Variants in PRKACB observed in about 807,000 individuals in gnomAD.
PRKACB encodes protein kinase cAMP-activated catalytic subunit beta.
Under a neutral mutation model 51.4 loss-of-function variants are expected in PRKACB, and 16 were observed. The ratio of observed to expected loss-of-function variants is 0.31; its 90% CI spans 0.21 to 0.47. PRKACB has a LOEUF of 0.47. PRKACB is among the 20% of genes least tolerant of loss of function. The pLI is 1.00. For missense variants in PRKACB, 309 were observed against 464.5 expected (o/e 0.67, Z 3.08); for synonymous variants, 147 against 154.4 (o/e 0.95, Z 0.35).
chr1:84,128,926 G>T (rs927792080), intron 1 of PRKACB, among the ~76,000 whole-genome samples: 1 of 152,154 alleles, frequency 6.6e-6, no homozygotes, highest in Non-Finnish European at 1.5e-5. Flanking sequence ...TCATGTGACT[G>T]AGGAACTAAA....
intron 1 of PRKACB, among the ~76,000 whole-genome samples, chr1:84,166,834 G>T (rs1657644699): frequency 6.6e-6 from 1 of 151,118 alleles, no homozygotes; most frequent in Admixed American, 6.6e-5. Context: ...CTATCTTTTG[G>T]CCTTCTTTTG....
chr1:84,204,103 A>G (rs1005600484), intron 8 of PRKACB, among the ~76,000 whole-genome samples: 1 of 152,010 alleles, frequency 6.6e-6, no homozygotes, highest in African/African-American at 2.4e-5. Context: ...GAATTAGTCT[A>G]TCCAATCACC....
chr1:84,086,057 A>G (rs1473269253), intron 1 of PRKACB: 8 of 1,024,034 alleles, frequency 7.8e-6, no homozygotes, highest in Non-Finnish European at 1.2e-5. Context: ...CAAGCAGCAT[A>G]GGAAAGTGCT....
intron 9 of PRKACB, among the ~76,000 whole-genome samples, chr1:84,219,227 GTTTT>G (rs772119278): frequency 7.1e-6 from 1 of 140,094 alleles, no homozygotes. Context: ...TGTTTATTAG[GTTTT>G]TTTTTTTTTT....
chr1:84,195,912 C>CAA (rs34855463), intron 5 of PRKACB, among the ~76,000 whole-genome samples: 5 of 135,094 alleles, frequency 3.7e-5, no homozygotes, highest in South Asian at 2.4e-4. Context: ...GACTGTGTCT[C>CAA]AAAAAAAAAA....
intron 1 of PRKACB, among the ~76,000 whole-genome samples, chr1:84,165,587 G>T (rs1200854183): frequency 1.3e-5 from 2 of 151,634 alleles, no homozygotes; most frequent in African/African-American, 2.4e-5. Context: ...AACAGTTTTT[G>T]GGGGAAATAA....
At chr1:84,196,297 T>A (rs2101201525) in intron 5 of PRKACB, among the ~76,000 whole-genome samples, 1 of 152,252 alleles carries the variant, frequency 6.6e-6, no homozygotes, top group African/African-American at 2.4e-5. Flanking sequence ...GCTTTCCAAT[T>A]ATTCTCAAGA....
At chr1:84,082,680 A>G (rs181855187) in intron 1 of PRKACB, among the ~76,000 whole-genome samples, 15 of 152,288 alleles carry the variant, frequency 9.8e-5, no homozygotes, top group African/African-American at 3.6e-4. Flanking sequence ...ATCTCCACCT[A>G]TGCTGTCCAC....
At chr1:84,164,534 A>G in intron 1 of PRKACB, 1 of 1,462,370 alleles carries the variant, frequency 6.8e-7, no homozygotes, top group East Asian at 2.5e-5. Flanking sequence ...TGGCTCTAAA[A>G]TAAAAAGGTA....
chr1:84,162,874 T>A (rs1656394166), intron 1 of PRKACB, among the ~76,000 whole-genome samples: 1 of 152,074 alleles, frequency 6.6e-6, no homozygotes, highest in Non-Finnish European at 1.5e-5. Flanking sequence ...AATGTGTTTT[T>A]TAAAATAACA....
At chr1:84,226,403 T>C (rs1395481858) in intron 9 of PRKACB, among the ~76,000 whole-genome samples, 1 of 152,050 alleles carries the variant, frequency 6.6e-6, no homozygotes, top group East Asian at 1.9e-4. Flanking sequence ...TACTCAAATA[T>C]CTTTCGTCAT....
intron 1 of PRKACB, among the ~76,000 whole-genome samples, chr1:84,113,970 G>A (rs545234837): frequency 2.6e-5 from 4 of 152,058 alleles, no homozygotes; most frequent in African/African-American, 9.7e-5. Flanking sequence ...TAAAACTGGC[G>A]AAATTTGTGG....
chr1:84,107,358 T>A (rs1649838854), intron 1 of PRKACB, among the ~76,000 whole-genome samples: 1 of 151,870 alleles, frequency 6.6e-6, no homozygotes, highest in Admixed American at 6.6e-5. Context: ...AAGACCTAAA[T>A]GGAGAACCTA....
In PRKACB at chr1:84,165,122, T is replaced by G. The variant is rs1037738418; in HGVS notation, c.188-14055T>G. The G allele has an allele frequency of 5.1e-5, 46 of 909,016 alleles. No individual in the cohort carries two copies. The South Asian group carries it at 9.4e-4, about 19-fold the overall frequency. The allele number at this position is 909,016 out of a possible 1,614,324, so 56.3% of individuals were successfully genotyped here. On this transcript the variant is annotated intron_variant, in intron 1 of 9. Transcript: ENST00000370685. ...ATAAAGCCACAGCTACTGTGAATTA[T>G]ATTTTGTGGTGACGCTTTTGTACTT...
intron 1 of PRKACB, among the ~76,000 whole-genome samples, chr1:84,108,861 T>A (rs1649992481): frequency 6.6e-6 from 1 of 152,096 alleles, no homozygotes; most frequent in Admixed American, 6.6e-5. Flanking sequence ...TGTCGTACAG[T>A]CAGTATGTTA....
rs541167581 is a variant in PRKACB at position 84,238,310 on chromosome 1, T to C, written c.*3005T>C. ...TGTAAGAATCAAATGAAATAATGTATGTGAAAGCACCTTGTAAACTGTAAC... is the reference window on the plus strand; with the variant it reads ...TGTAAGAATCAAATGAAATAATGTACGTGAAAGCACCTTGTAAACTGTAAC... On this transcript the variant is annotated 3_prime_UTR_variant, in exon 10 of 10. Coordinates refer to ENST00000370685, the MANE Select transcript of PRKACB (RefSeq NM_182948.4). 4 of 152,734 alleles carry C rather than the reference T, an allele frequency of 2.6e-5. No homozygotes were observed. Among genetic ancestry groups the C allele is most frequent in the African/African-American group, 9.6e-5 (4 of 41,576 alleles). 9.5% of individuals were successfully genotyped at this position (152,734 alleles called of 1,614,324 possible).
rs191995765 is a variant in PRKACB, at chr1:84,179,993, T to C, written c.249+755T>C. Reference sequence around the variant, plus strand: ...CCGGTGTGTGATGTTCCCCTCCCTGTGTCCATGTGTTCTCATTGTTCAACT... The same window carrying C: ...CCGGTGTGTGATGTTCCCCTCCCTGCGTCCATGTGTTCTCATTGTTCAACT... On this transcript the variant is annotated intron_variant, in intron 2 of 9. Coordinates refer to ENST00000370685, the MANE Select transcript of PRKACB (RefSeq NM_182948.4). 2.6e-3 allele frequency among the ~76,000 whole-genome samples: 376 copies of C among 143,002 alleles called. 11 individuals carry two copies. In the East Asian group the frequency reaches 0.065, roughly 25 times the overall value. The allele number at this position is 143,002 out of a possible 152,430, so 93.8% of individuals were successfully genotyped here.
chr1:84,197,874 C>A, intron 7 of PRKACB, 50 bp downstream of exon 7: 1 of 1,273,866 alleles, frequency 7.9e-7, no homozygotes, highest in Non-Finnish European at 1.1e-6. Context: ...AGACATGCAT[C>A]CCTATGGACT....
intron 1 of PRKACB, among the ~76,000 whole-genome samples, chr1:84,078,850 A>C (rs1480566082): frequency 6.6e-6 from 1 of 152,186 alleles, no homozygotes; most frequent in Non-Finnish European, 1.5e-5. Context: ...AAGTGAGGCT[A>C]ATCCTGAGTG....
Sources: gnomAD v4.1 joint callset for allele counts (sites outside exome capture counted in the v4.1 genomes callset) on GRCh38, gnomAD v4.1.1 for gene constraint, MANE v1.5 for transcripts, NCBI Gene and HGNC (gene_info 2026-07-23, HGNC 2026-07-21) for gene names.